The following MACO1 variants were observed in gnomAD, a reference collection of about 807,000 sequenced individuals.
MACO1 encodes macoilin 1.
In MACO1, 14 loss-of-function variants were observed where a neutral mutation model predicts 78.7. That is an observed-to-expected ratio of 0.18 (90% CI 0.12 to 0.28). The LOEUF (loss-of-function observed/expected upper bound fraction) is 0.28. MACO1 is among the 10% of genes least tolerant of loss of function. The probability of loss-of-function intolerance (pLI) is 1.00; values close to 1 mark genes in which losing one functional copy is unlikely to be tolerated. For synonymous variants in MACO1, 288 were observed against 291.6 expected (o/e 0.99, Z 0.12); for missense variants, 501 against 799.0 (o/e 0.63, Z 4.50).
chr1:25,465,634 T>C lies in MACO1; in HGVS notation c.1154+6742T>C, dbSNP rs544460934. ...TTAAAGTCTTAGCCCACTTTTAAAA[T>C]TTGTATAAATTCATGGTGTACAAGT... is the stretch of plus-strand genomic sequence containing the variant. On this transcript the variant is annotated intron_variant, in intron 6 of 10. Transcript: ENST00000374343. 3.3e-5 allele frequency among the ~76,000 whole-genome samples: 5 copies of C among 152,364 alleles called. No homozygotes were observed. The South Asian group carries it at 1.0e-3, about 32-fold the overall frequency.
At chr1:25,486,476 C>G (rs1179561534) in intron 8 of MACO1, among the ~76,000 whole-genome samples, 1 of 151,736 alleles carries the variant, frequency 6.6e-6, no homozygotes, top group African/African-American at 2.4e-5. Context: ...CCTTTGTTTT[C>G]TTGACTAGTG....
chr1:25,451,016 C>T (rs1269594279), intron 3 of MACO1, among the ~76,000 whole-genome samples: 1 of 151,416 alleles, frequency 6.6e-6, no homozygotes, highest in Non-Finnish European at 1.5e-5. Flanking sequence ...CTATTGGAAA[C>T]TAGTTCAGTG....
chr1:25,464,490 A>C (rs1407449835), intron 6 of MACO1, among the ~76,000 whole-genome samples: 2 of 151,606 alleles, frequency 1.3e-5, no homozygotes, highest in African/African-American at 4.9e-5. Context: ...GATTACAGGC[A>C]GCTGCCATCA....
chr1:25,466,996 C>T (rs1215429178), intron 6 of MACO1, among the ~76,000 whole-genome samples: 2 of 152,160 alleles, frequency 1.3e-5, no homozygotes, highest in Non-Finnish European at 2.9e-5. Flanking sequence ...CGGTGGTTCA[C>T]GTCCATAATC....
intron 6 of MACO1, among the ~76,000 whole-genome samples, chr1:25,463,713 A>T (rs892332737): frequency 6.6e-6 from 1 of 152,252 alleles, no homozygotes; most frequent in Non-Finnish European, 1.5e-5. Context: ...AAAAATCATT[A>T]CAATTTTAGA....
chr1:25,483,546 AT>A (rs1188869722), intron 6 of MACO1, among the ~76,000 whole-genome samples: 1 of 152,066 alleles, frequency 6.6e-6, no homozygotes, highest in Non-Finnish European at 1.5e-5. Flanking sequence ...TCCTTTTTTC[AT>A]TGTTATTGAG....
intron 10 of MACO1, among the ~76,000 whole-genome samples, chr1:25,493,803 G>A (rs2124614251): frequency 6.8e-6 from 1 of 147,672 alleles, no homozygotes; most frequent in East Asian, 2.0e-4. Flanking sequence ...CACGATCTCG[G>A]TGCACTGCAA....
intron 6 of MACO1, among the ~76,000 whole-genome samples, chr1:25,468,617 G>T (rs2043239432): frequency 6.6e-6 from 1 of 152,094 alleles, no homozygotes; most frequent in African/African-American, 2.4e-5. Flanking sequence ...AAATTCATTT[G>T]GTTATTTTAG....
At chr1:25,489,750 G>T (rs897350691) in intron 9 of MACO1, among the ~76,000 whole-genome samples, 8 of 152,244 alleles carry the variant, frequency 5.3e-5, no homozygotes, top group African/African-American at 1.7e-4. Context: ...TGTTTTATGG[G>T]CTGTGTATAC....
Position 25,431,335 on chromosome 1 carries a change from G to T in MACO1, c.80+157G>T, listed in dbSNP as rs924225792. ...CCCCGGAGCCGCTGGCCCGCCCGCC[G>T]GGGTCCGCCCCGGGTGCGCGGGGCG... On this transcript the variant is annotated intron_variant, in intron 1 of 10. Transcript: ENST00000374343. 2.0e-5 allele frequency among the ~76,000 whole-genome samples: 3 copies of T among 147,184 alleles called. No homozygotes were observed. In the South Asian group the frequency reaches 6.3e-4, roughly 31 times the overall value.
At chr1:25,455,085 T>A (rs2043108135) in intron 4 of MACO1, among the ~76,000 whole-genome samples, 1 of 152,222 alleles carries the variant, frequency 6.6e-6, no homozygotes, top group Non-Finnish European at 1.5e-5. Context: ...TGATGAATGT[T>A]AGCTATGTTT....
Position 25,439,257 on chromosome 1 carries a change from A to C in MACO1, c.81-7505A>C, listed in dbSNP as rs992981719. 2.0e-5 allele frequency among the ~76,000 whole-genome samples: 3 copies of C among 152,054 alleles called. No individual in the cohort carries two copies. The South Asian group carries it at 6.2e-4, about 32-fold the overall frequency. ...TTTTAAAGAAAAAAAATAGCCAGGC[A>C]TGGTGGCTCTTGCCTGTCACCCTTG... On this transcript the variant is annotated intron_variant, in intron 1 of 10. Coordinates refer to ENST00000374343, the MANE Select transcript of MACO1 (RefSeq NM_018202.6).
rs1557677686 is a variant in MACO1 at position 25,491,598 on chromosome 1, G to A, written c.1792+14G>A. On this transcript the variant is annotated intron_variant, in intron 10 of 10. Coordinates refer to ENST00000374343, the MANE Select transcript of MACO1 (RefSeq NM_018202.6). ...AGATTGCCCAAGGTAGGAGAACGTG[G>A]GCCCCTGGTGAGGTGGTGTGACTGA... 1.2e-6 allele frequency: 2 copies of A among 1,612,422 alleles called. No homozygotes were observed. Among genetic ancestry groups the A allele is most frequent in the Non-Finnish European group, 1.7e-6 (2 of 1,178,744 alleles).
intron 3 of MACO1, among the ~76,000 whole-genome samples, chr1:25,450,180 A>G (rs961889214): frequency 1.3e-5 from 2 of 152,330 alleles, no homozygotes; most frequent in African/African-American, 4.8e-5. Flanking sequence ...AGACACTGTC[A>G]TAACCTCTTA....
intron 3 of MACO1, among the ~76,000 whole-genome samples, chr1:25,452,913 T>C (rs1263016349): frequency 6.6e-6 from 1 of 152,034 alleles, no homozygotes; most frequent in African/African-American, 2.4e-5. Context: ...GTCAGGCTGG[T>C]CTTGAACTCC....
At chr1:25,446,466 A>G (rs951178691) in intron 1 of MACO1, among the ~76,000 whole-genome samples, 2 of 152,180 alleles carry the variant, frequency 1.3e-5, no homozygotes, top group Non-Finnish European at 2.9e-5. Context: ...TTTTGAAGTC[A>G]GACACTTAGC....
At position 25,454,470 on chromosome 1, in the gene MACO1, G is replaced by GTATA. The variant is rs1480003093; in HGVS notation, c.473+104_473+107dup. 314 of 86,676 alleles carry GTATA rather than the reference G, an allele frequency of 3.6e-3. 1 individual carries two copies. Among genetic ancestry groups the GTATA allele is most frequent in the African/African-American group, 0.013 (309 of 23,776 alleles). The allele number at this position is 86,676 out of a possible 1,614,324, so 5.4% of individuals were successfully genotyped here. On this transcript the variant is annotated intron_variant, in intron 4 of 10. Transcript: ENST00000374343. ...TGTGTGTGTGTGTGTGTGTGTGTGT[G>GTATA]TATATATATATATATATATTTTTTT...
chr1:25,458,429 A>G lies in MACO1; in HGVS notation c.691A>G (p.Ile231Val), dbSNP rs745907196. 13 of 1,609,842 alleles carry G rather than the reference A, an allele frequency of 8.1e-6. No individual in the cohort carries two copies. The highest frequency in any genetic ancestry group is 1.3e-5 in the African/African-American group (1 of 74,370). ...ACCTGATATGGATTCTTCGATCCTT[A>G]TACACCACAATGGAGGTATCCCAGC... ...GLPDMDSSILIHHNGGIPANK... is the reference protein window; with the variant it reads ...GLPDMDSSILVHHNGGIPANK... The change falls in exon 6 of 11, where the codon ATA (isoleucine) becomes GTA (valine). Residue 231 changes from isoleucine to valine, a missense_variant. Coordinates refer to ENST00000374343, the MANE Select transcript of MACO1 (RefSeq NM_018202.6).
At chr1:25,453,515 T>G (rs1041740061) in intron 3 of MACO1, among the ~76,000 whole-genome samples, 2 of 150,768 alleles carry the variant, frequency 1.3e-5, no homozygotes, top group Non-Finnish European at 3.0e-5. Flanking sequence ...TACAAAAAAT[T>G]AGCCGGTCGT....
Sources: gnomAD v4.1 joint callset for allele counts (sites outside exome capture counted in the v4.1 genomes callset) on GRCh38, gnomAD v4.1.1 for gene constraint, MANE v1.5 for transcripts, NCBI Gene and HGNC (gene_info 2026-07-23, HGNC 2026-07-21) for gene names.